DPP10: variants seen among roughly 807,000 people sequenced by gnomAD.
DPP10 encodes dipeptidyl peptidase like 10.
In DPP10, 33 loss-of-function variants were observed where a neutral mutation model predicts 120.9. The observed-to-expected ratio is 0.27, with a 90% CI of 0.21 to 0.37. The LOEUF is 0.37. Among genes scored for constraint, DPP10 ranks in the 10% least tolerant of loss-of-function variants. DPP10 has a pLI of 1.00. For missense variants in DPP10, 816 were observed against 942.8 expected (o/e 0.87, Z 1.76); for synonymous variants, 337 against 326.1 (o/e 1.03, Z -0.36).
chr2:115,688,633 A>T (rs2091140497), intron 5 of DPP10, among the ~76,000 whole-genome samples: 1 of 152,072 alleles, frequency 6.6e-6, no homozygotes, highest in African/African-American at 2.4e-5. Flanking sequence ...AAATATACTC[A>T]TCATCTCTTT....
At chr2:114,875,191 TATA>T (rs555542769) in intron 1 of DPP10, among the ~76,000 whole-genome samples, 4 of 152,298 alleles carry the variant, frequency 2.6e-5, no homozygotes, top group African/African-American at 9.6e-5. Context: ...GTGCCAATGA[TATA>T]ATGCTTTTCT....
In DPP10 at chr2:115,812,992, T is replaced by C. The variant is rs867351371; in HGVS notation, c.1701-1801T>C. 3.1e-4 allele frequency among the ~76,000 whole-genome samples: 17 copies of C among 54,272 alleles called. No homozygotes were observed. The South Asian group carries it at 5.2e-3, about 17-fold the overall frequency. 35.6% of individuals were successfully genotyped at this position (54,272 alleles called of 152,430 possible). ...TTTTTTTTTTTTTTTTTTTTTTTTT[T>C]GAGACGGAGTCTCGCTCTGTCGCCC... On this transcript the variant is annotated intron_variant, in intron 19 of 25. Coordinates refer to ENST00000410059, the MANE Select transcript of DPP10 (RefSeq NM_020868.6).
chr2:115,221,729 C>T (rs1241723301), intron 1 of DPP10, among the ~76,000 whole-genome samples: 1 of 143,136 alleles, frequency 7.0e-6, no homozygotes, highest in Non-Finnish European at 1.5e-5. Context: ...AAATTAGAGC[C>T]TTTGAGGCTT....
intron 5 of DPP10, among the ~76,000 whole-genome samples, chr2:115,594,061 G>A (rs2082845184): frequency 6.6e-6 from 1 of 152,084 alleles, no homozygotes; most frequent in African/African-American, 2.4e-5. Flanking sequence ...CTTACCATAG[G>A]TCAGGAACCC....
intron 4 of DPP10, among the ~76,000 whole-genome samples, chr2:115,506,607 T>C (rs2076954748): frequency 6.6e-6 from 1 of 152,118 alleles, no homozygotes; most frequent in African/African-American, 2.4e-5. Context: ...TGTTTATTTG[T>C]GGAATTTTTA....
chr2:114,633,248 C>CTTTTTT (rs35372708), intron 1 of DPP10, among the ~76,000 whole-genome samples: 28 of 72,814 alleles, frequency 3.8e-4, no homozygotes, highest in Non-Finnish European at 5.2e-4. Flanking sequence ...GTTTTTCTTT[C>CTTTTTT]TTTTTTTTTT....
At chr2:115,602,498 C>T (rs2083393770) in intron 5 of DPP10, among the ~76,000 whole-genome samples, 2 of 152,112 alleles carry the variant, frequency 1.3e-5, no homozygotes, top group Non-Finnish European at 2.9e-5. Flanking sequence ...TCAAAAGCAT[C>T]TTTTAAAAAA....
intron 1 of DPP10, among the ~76,000 whole-genome samples, chr2:115,056,094 C>T (rs1473616625): frequency 6.6e-6 from 1 of 152,254 alleles, no homozygotes; most frequent in African/African-American, 2.4e-5. Flanking sequence ...TGAACATCAG[C>T]CTCTGCAGTA....
At chr2:114,920,964 C>T (rs554878111) in intron 1 of DPP10, among the ~76,000 whole-genome samples, 97 of 152,232 alleles carry the variant, frequency 6.4e-4, no homozygotes, top group African/African-American at 2.3e-3. Context: ...TTTCCAGATC[C>T]TTAACATCCA....
chr2:114,479,120 T>G (rs1250861002), intron 1 of DPP10, among the ~76,000 whole-genome samples: 1 of 151,298 alleles, frequency 6.6e-6, no homozygotes, highest in African/African-American at 2.4e-5. Flanking sequence ...ATGAAAGAAA[T>G]CAAATAAAAT....
intron 5 of DPP10, among the ~76,000 whole-genome samples, chr2:115,592,535 C>A (rs1348227216): frequency 6.6e-6 from 1 of 151,350 alleles, no homozygotes; most frequent in African/African-American, 2.4e-5. Flanking sequence ...GAGATCAAGA[C>A]CATCCTGGCC....
intron 1 of DPP10, among the ~76,000 whole-genome samples, chr2:114,855,903 AAGGAGCATTTGACCAAAGATCCCATCTTC>A (rs1689329530): frequency 6.6e-6 from 1 of 152,014 alleles, no homozygotes; most frequent in Admixed American, 6.6e-5. Context: ...TTTGTGTTGC[AAGGAGCATTTGACCAAAGATCCCATCTTC>A]AGGCATCCCT....
chr2:115,341,742 C>A (rs972796192), intron 2 of DPP10, among the ~76,000 whole-genome samples: 1 of 151,710 alleles, frequency 6.6e-6, no homozygotes, highest in African/African-American at 2.4e-5. Context: ...TCATAATATG[C>A]ATTTAAGTTT....
intron 1 of DPP10, among the ~76,000 whole-genome samples, chr2:115,277,051 TA>T (rs1156883041): frequency 6.6e-6 from 1 of 152,318 alleles, no homozygotes; most frequent in Non-Finnish European, 1.5e-5. Flanking sequence ...TCAGGTCCAT[TA>T]AAAAGTCTGA....
At chr2:114,965,174 G>T (rs188367531) in intron 1 of DPP10, among the ~76,000 whole-genome samples, 1 of 151,846 alleles carries the variant, frequency 6.6e-6, no homozygotes, top group Non-Finnish European at 1.5e-5. Flanking sequence ...TTTTGCTCTC[G>T]TTGCCCAGGC....
At chr2:115,273,822 G>A in intron 1 of DPP10, among the ~76,000 whole-genome samples, 1 of 152,216 alleles carries the variant, frequency 6.6e-6, no homozygotes, top group East Asian at 1.9e-4. Context: ...AATTTGGAAC[G>A]AGGCCAATTT....
intron 5 of DPP10, among the ~76,000 whole-genome samples, chr2:115,644,339 T>C (rs1036256955): frequency 6.6e-6 from 1 of 151,820 alleles, no homozygotes; most frequent in Non-Finnish European, 1.5e-5. Context: ...CAGGCCCCGG[T>C]GTGTGATGTT....
At chr2:114,662,788 A>G (rs1331071795) in intron 1 of DPP10, among the ~76,000 whole-genome samples, 2 of 151,300 alleles carry the variant, frequency 1.3e-5, no homozygotes, top group Non-Finnish European at 2.9e-5. Flanking sequence ...CCAGGGGGGG[A>G]CCTTGGGCCA....
At chr2:115,641,603 C>A (rs1039466839) in intron 5 of DPP10, among the ~76,000 whole-genome samples, 1 of 152,060 alleles carries the variant, frequency 6.6e-6, no homozygotes, top group African/African-American at 2.4e-5. Flanking sequence ...ACTTATGAGT[C>A]TCTATGTGTA....
Sources: gnomAD v4.1 joint callset for allele counts (sites outside exome capture counted in the v4.1 genomes callset) on GRCh38, gnomAD v4.1.1 for gene constraint, MANE v1.5 for transcripts, NCBI Gene and HGNC (gene_info 2026-07-23, HGNC 2026-07-21) for gene names.